The following TRIM11 variants were observed in gnomAD, a reference collection of about 807,000 sequenced individuals.
The protein encoded by TRIM11 is E3 ubiquitin-protein ligase TRIM11.
A neutral mutation model predicts 33.4 loss-of-function variants in TRIM11; 15 were observed. The observed-to-expected ratio is 0.45, with a 90% CI of 0.30 to 0.69. The LOEUF is 0.69. Among genes scored for constraint, TRIM11 ranks in the 30% least tolerant of loss-of-function variants. TRIM11 has a pLI of 0.08. For synonymous variants in TRIM11, 281 were observed against 302.6 expected (o/e 0.93, Z 0.74); for missense variants, 499 against 667.6 (o/e 0.75, Z 2.78).
At chr1:228,405,859 C>G (rs935942389) in intron 1 of TRIM11, 18 of 354,304 alleles carry the variant, frequency 5.1e-5, no homozygotes, top group Non-Finnish European at 5.0e-5. Context: ...CTTCCACCTT[C>G]CTCTCTTAGC....
chr1:228,397,388 G>A (rs964357172), intron 3 of TRIM11: 5 of 597,618 alleles, frequency 8.4e-6, no homozygotes, highest in Non-Finnish European at 1.5e-5. Flanking sequence ...CACCAATGGG[G>A]TGCAGCCCAG....
Position 228,403,170 on chromosome 1 carries a change from C to A in TRIM11, c.409-1009G>T, listed in dbSNP as rs1286680914. 1.3e-5 allele frequency: 2 copies of A among 152,286 alleles called. No individual in the cohort carries two copies. The highest frequency in any genetic ancestry group is 2.9e-5 in the Non-Finnish European group (2 of 68,104). The allele number at this position is 152,286 out of a possible 1,614,324, so 9.4% of individuals were successfully genotyped here. A position where few individuals can be genotyped will look rare whatever the true frequency, so the allele number is the denominator to read the frequency against. ...GTGTGCTTGGGGTGCCCTGAACCCA[C>A]TTCTCGAAGGGTCTGCTCACTTCCA... On this transcript the variant is annotated intron_variant, in intron 1 of 5. Coordinates refer to ENST00000284551, the MANE Select transcript of TRIM11 (RefSeq NM_145214.3). The surrounding 1 kb of genome is among the most constrained non-coding windows in gnomAD (Gnocchi z 4.8).
chr1:228,399,124 C>T (rs2075009862), intron 3 of TRIM11, among the ~76,000 whole-genome samples: 1 of 152,108 alleles, frequency 6.6e-6, no homozygotes, highest in Admixed American at 6.5e-5. Context: ...CACTGTGCAA[C>T]CCCTGTCCAT....
chr1:228,399,426 C>T (rs979215448), intron 3 of TRIM11, among the ~76,000 whole-genome samples: 20 of 152,292 alleles, frequency 1.3e-4, no homozygotes, highest in Admixed American at 1.3e-3. Flanking sequence ...GGGGTGAATG[C>T]AGGTGGGTGT....
At position 228,394,569 on chromosome 1, in the gene TRIM11, G is replaced by A; in HGVS notation, c.*136C>T. On this transcript the variant is annotated 3_prime_UTR_variant, in exon 6 of 6. Transcript: ENST00000284551. This position sits in a 1 kb window ranked among gnomAD's most constrained non-coding sequence, Gnocchi z 6.2. Reference sequence around the variant, plus strand: ...GCTAGAATTGGGGTTCTCCCACGCAGGCTCAGAAAGGCACCAGGAGTTCCT... The same window carrying A: ...GCTAGAATTGGGGTTCTCCCACGCAAGCTCAGAAAGGCACCAGGAGTTCCT... The A allele has an allele frequency of 1.0e-6, 1 of 1,000,102 alleles. No individual in the cohort carries two copies. The highest frequency in any genetic ancestry group is 1.6e-5 in the African/African-American group (1 of 61,158). 62.0% of individuals were successfully genotyped at this position (1,000,102 alleles called of 1,614,324 possible).
At chr1:228,405,416 A>T (rs2149094846) in intron 1 of TRIM11, 1 of 152,422 alleles carries the variant, frequency 6.6e-6, no homozygotes, top group East Asian at 1.9e-4. Context: ...CATCTGCCCC[A>T]CACGTAGGCT....
At position 228,401,875 on chromosome 1, in the gene TRIM11, A is replaced by C. The variant is rs1283111011; in HGVS notation, c.504+191T>G. The stretch of plus-strand genomic sequence containing the variant: ...TGCAGTATGGGAGCCCACGCCCACG[A>C]CCTGGCAGGACAGGTGCACGTGGGA... On this transcript the variant is annotated intron_variant, in intron 2 of 5. Coordinates refer to ENST00000284551, the MANE Select transcript of TRIM11 (RefSeq NM_145214.3). The surrounding 1 kb of genome is among the most constrained non-coding windows in gnomAD (Gnocchi z 6.1). 6.6e-6 allele frequency among the ~76,000 whole-genome samples: 1 copy of C among 151,888 alleles called. No homozygotes were observed. Among genetic ancestry groups the C allele is most frequent in the East Asian group, 1.9e-4 (1 of 5,156 alleles).
rs1656405592 is a variant in TRIM11, at chr1:228,406,114, C to T, written c.408+40G>A. The T allele has an allele frequency of 2.2e-6, 3 of 1,334,660 alleles. No individual in the cohort carries two copies. The highest frequency in any genetic ancestry group is 2.8e-4 in the Middle Eastern group (1 of 3,604). 82.7% of individuals were successfully genotyped at this position (1,334,660 alleles called of 1,614,324 possible). On this transcript the variant is annotated intron_variant, in intron 1 of 5. Transcript: ENST00000284551. This position sits in a 1 kb window ranked among gnomAD's most constrained non-coding sequence, Gnocchi z 8.2. ...CCGCCCAGGCCTCCCCAGTCCCCGG[C>T]TCCCCGACGCCCCTGCACGCCACCC...
At chr1:228,398,159 T>C (rs544369523) in intron 3 of TRIM11, among the ~76,000 whole-genome samples, 2 of 152,304 alleles carry the variant, frequency 1.3e-5, no homozygotes, top group South Asian at 2.1e-4. Flanking sequence ...CACTGTCAAA[T>C]AGACGATCCC....
rs1656184548 is a variant in TRIM11 at position 228,400,878 on chromosome 1, GCTT to G, written c.735+83_735+85del. The G allele has an allele frequency of 3.5e-6, 5 of 1,430,838 alleles. No individual in the cohort carries two copies. Among genetic ancestry groups the G allele is most frequent in the Non-Finnish European group, 4.6e-6 (5 of 1,095,670 alleles). The allele number at this position is 1,430,838 out of a possible 1,614,324, so 88.6% of individuals were successfully genotyped here. A position where few individuals can be genotyped will look rare whatever the true frequency, so the allele number is the denominator to read the frequency against. ...CAGCCCAGACAACCTCTCTGCCCCTGCTTCTTGCACTTTCTGGTTCTCCCTCCC... is the reference window on the plus strand; with the variant it reads ...CAGCCCAGACAACCTCTCTGCCCCTGCTTGCACTTTCTGGTTCTCCCTCCC... On this transcript the variant is annotated intron_variant, in intron 3 of 5. Coordinates refer to ENST00000284551, the MANE Select transcript of TRIM11 (RefSeq NM_145214.3). The surrounding 1 kb of genome is among the most constrained non-coding windows in gnomAD (Gnocchi z 4.5).
Position 228,394,507 on chromosome 1 carries a change from G to A in TRIM11, c.*198C>T, listed in dbSNP as rs573655174. Reference sequence around the variant, plus strand: ...GCTGGAGGGGTCTCCCAGGGAGGACGGAGCCTGCCCCACACTCTCCCACAG... The same window carrying A: ...GCTGGAGGGGTCTCCCAGGGAGGACAGAGCCTGCCCCACACTCTCCCACAG... On this transcript the variant is annotated 3_prime_UTR_variant, in exon 6 of 6. Coordinates refer to ENST00000284551, the MANE Select transcript of TRIM11 (RefSeq NM_145214.3). This position sits in a 1 kb window ranked among gnomAD's most constrained non-coding sequence, Gnocchi z 6.2. 100 of 622,836 alleles carry A rather than the reference G, an allele frequency of 1.6e-4. No homozygotes were observed. Among genetic ancestry groups the A allele is most frequent in the Non-Finnish European group, 2.1e-4 (81 of 380,102 alleles). The allele number at this position is 622,836 out of a possible 1,614,324, so 38.6% of individuals were successfully genotyped here. A position where few individuals can be genotyped will look rare whatever the true frequency, so the allele number is the denominator to read the frequency against.
chr1:228,406,436 G>C lies in TRIM11; in HGVS notation c.126C>G (p.Arg42=), dbSNP rs764655729. The C allele has an allele frequency of 6.3e-7, 1 of 1,586,886 alleles. No individual in the cohort carries two copies. The highest frequency in any genetic ancestry group is 2.3e-5 in the East Asian group (1 of 42,696). ...GHNFCRECIR[R]CWGQPEGPYA... is the part of the protein sequence containing the mutation. Reference sequence around the variant, plus strand: ...ACGGGCCCTCGGGCTGGCCCCAGCAGCGCCGGATGCACTCGCGGCAGAAGT... The same window carrying C: ...ACGGGCCCTCGGGCTGGCCCCAGCACCGCCGGATGCACTCGCGGCAGAAGT... The change falls in exon 1 of 6, where the codon CGC becomes CGG. Residue 42 remains arginine, a synonymous_variant. Coordinates refer to ENST00000284551, the MANE Select transcript of TRIM11 (RefSeq NM_145214.3). The surrounding 1 kb of genome is among the most constrained non-coding windows in gnomAD (Gnocchi z 8.2).
rs1054419924 is a variant in TRIM11 at position 228,401,906 on chromosome 1, C to G, written c.504+160G>C. ...CAGGACAGGTGCACGTGGGAAAGGA[C>G]CAGCCCTTCAGTGGGCTCGGTGGGG... On this transcript the variant is annotated intron_variant, in intron 2 of 5. Transcript: ENST00000284551. The surrounding 1 kb of genome is among the most constrained non-coding windows in gnomAD (Gnocchi z 6.1). Among the ~76,000 whole-genome samples the G allele has an allele frequency of 2.6e-5, 4 of 152,276 alleles. No individual in the cohort carries two copies. The South Asian group carries it at 8.3e-4, about 32-fold the overall frequency.
intron 1 of TRIM11, 26 bp from the exon 2 acceptor site, chr1:228,402,187 T>C (rs750642356): frequency 1.3e-6 from 2 of 1,580,120 alleles, no homozygotes; most frequent in South Asian, 2.3e-5. Context: ...GGCAGGACCA[T>C]GAGACATGAG....
Position 228,406,157 on chromosome 1 carries a change from G to C in TRIM11, c.405C>G (p.Leu135=), listed in dbSNP as rs1656408079. Residue 135 remains leucine, a synonymous_variant, in exon 1 of 6, where the codon CTC becomes CTG. Coordinates refer to ENST00000284551, the MANE Select transcript of TRIM11 (RefSeq NM_145214.3). This position sits in a 1 kb window ranked among gnomAD's most constrained non-coding sequence, Gnocchi z 8.2. ...CGCCACCCCCGCCCAGGAGCACCTT[G>C]AGGTCTTCGGCCGCGTCCTGCAGCG... The part of the protein sequence containing the change: ...VRPLQDAAED[L]KAKLEKSLEH... 1 of 1,398,620 alleles carries C rather than the reference G, an allele frequency of 7.1e-7. No homozygotes were observed. The highest frequency in any genetic ancestry group is 9.2e-7 in the Non-Finnish European group (1 of 1,083,860). The allele number at this position is 1,398,620 out of a possible 1,614,324, so 86.6% of individuals were successfully genotyped here. A position where few individuals can be genotyped will look rare whatever the true frequency, so the allele number is the denominator to read the frequency against.
rs1318764186 is a variant in TRIM11, at chr1:228,395,564, G to C, written c.860-312C>G. 1 of 249,752 alleles carries C rather than the reference G, an allele frequency of 4.0e-6. No individual in the cohort carries two copies. Among genetic ancestry groups the C allele is most frequent in the African/African-American group, 2.2e-5 (1 of 44,760 alleles). 15.5% of individuals were successfully genotyped at this position (249,752 alleles called of 1,614,324 possible). ...GGCAGGGTCTTGCTCTGTGGCCCCAGGCTGCAGTGCAGTGGTGCGATCATG... is the reference window on the plus strand; with the variant it reads ...GGCAGGGTCTTGCTCTGTGGCCCCACGCTGCAGTGCAGTGGTGCGATCATG... On this transcript the variant is annotated intron_variant, in intron 5 of 5. Transcript: ENST00000284551. This position sits in a 1 kb window ranked among gnomAD's most constrained non-coding sequence, Gnocchi z 4.8.
rs796827318 is a variant in TRIM11 at position 228,406,730 on chromosome 1, G to A, written c.-169C>T. On this transcript the variant is annotated 5_prime_UTR_variant, in exon 1 of 6. Transcript: ENST00000284551. This position sits in a 1 kb window ranked among gnomAD's most constrained non-coding sequence, Gnocchi z 8.2. ...CGGGCTCCGGGGCGCGGGGACTCCA[G>A]GGCGCAGGACTCTGGGTTTCGGTAG... is the stretch of plus-strand genomic sequence containing the variant. 1.9e-4 allele frequency: 105 copies of A among 556,454 alleles called. No individual in the cohort carries two copies. In the African/African-American group the frequency reaches 2.0e-3, roughly 10 times the overall value. 34.5% of individuals were successfully genotyped at this position (556,454 alleles called of 1,614,324 possible).
intron 1 of TRIM11, chr1:228,405,011 G>A (rs1258386707): frequency 6.6e-6 from 1 of 152,204 alleles, no homozygotes; most frequent in Non-Finnish European, 1.5e-5. Flanking sequence ...CAAAAGAAAG[G>A]GTTAAGTGCT....
In TRIM11 at chr1:228,406,400, G is replaced by C. The variant is rs767969050; in HGVS notation, c.162C>G (p.Pro54=). 2 of 1,559,204 alleles carry C rather than the reference G, an allele frequency of 1.3e-6. No homozygotes were observed. Among genetic ancestry groups the C allele is most frequent in the East Asian group, 2.5e-5 (1 of 40,456 alleles). Residue 54 remains proline (P), a synonymous_variant, in exon 1 of 6, where the codon CCC becomes CCG. Transcript: ENST00000284551. The surrounding 1 kb of genome is among the most constrained non-coding windows in gnomAD (Gnocchi z 8.2). ...TCTGCGGGGACAGCTCGCGGCACTC[G>C]GGGCACGCGTACGGGCCCTCGGGCT... ...WGQPEGPYAC[P]ECRELSPQRN...
Sources: allele counts gnomAD v4.1 joint callset (sites outside exome capture counted in the v4.1 genomes callset), GRCh38; gene constraint gnomAD v4.1.1; non-coding constraint Gnocchi (gnomAD v3.1); transcripts MANE v1.5; gene names NCBI Gene and HGNC (gene_info 2026-07-23, HGNC 2026-07-21).